FRY: variants seen among roughly 807,000 people sequenced by gnomAD.
The protein encoded by FRY is protein furry homolog.
In FRY, 128 loss-of-function variants were observed where a neutral mutation model predicts 348.4. That is an observed-to-expected ratio of 0.37 (90% CI 0.32 to 0.43). The LOEUF (loss-of-function observed/expected upper bound fraction) is 0.43, where lower values mean the gene tolerates loss of function less well. FRY is among the 20% of genes least tolerant of loss of function. The pLI, the probability that FRY is intolerant of heterozygous loss-of-function variation, is 1.00. For synonymous variants in FRY, 1,370 were observed against 1,374.7 expected, an observed-to-expected ratio of 1.00 and a Z score of 0.08; for missense variants, 2,736 against 3,695.2, an observed-to-expected ratio of 0.74 and a Z score of 6.73.
At chr13:32,148,072 A>C (rs903272948) in intron 13 of FRY, 125 bp downstream of exon 13, 2 of 706,208 alleles carry the variant, frequency 2.8e-6, no homozygotes, top group Non-Finnish European at 5.3e-6. Context: ...CTTCTGTGAA[A>C]GATTTAAAGT....
In FRY at chr13:32,247,320, C is replaced by T. The variant is rs1886862556; in HGVS notation, c.6829-3C>T. The T allele has an allele frequency of 1.9e-6, 3 of 1,609,338 alleles. No individual in the cohort carries two copies. In the African/African-American group the frequency reaches 4.0e-5, roughly 22 times the overall value. On this transcript the variant is annotated splice_polypyrimidine_tract_variant and splice_region_variant and intron_variant, in intron 47 of 60. Coordinates refer to ENST00000542859, the MANE Select transcript of FRY (RefSeq NM_023037.3). ...TAACCCTTGAATGTTTTATTTCCTG[C>T]AGAGTGTTCACTGGAGAGAAGCTCT...
chr13:32,195,605 A>G (rs1451252479), intron 29 of FRY, among the ~76,000 whole-genome samples: 1 of 152,186 alleles, frequency 6.6e-6, no homozygotes, highest in Non-Finnish European at 1.5e-5. Context: ...TGGACATCTC[A>G]CAAAACATTA....
At position 32,124,382 on chromosome 13, in the gene FRY, TG is replaced by T; in HGVS notation, c.555+7del. The T allele has an allele frequency of 7.2e-7, 1 of 1,393,694 alleles. No individual in the cohort carries two copies. Among genetic ancestry groups the T allele is most frequent in the Non-Finnish European group, 1.0e-6 (1 of 981,598 alleles). The allele number at this position is 1,393,694 out of a possible 1,614,324, so 86.3% of individuals were successfully genotyped here. On this transcript the variant is annotated splice_region_variant and intron_variant, in intron 5 of 60. Transcript: ENST00000542859. ...TAATAGAAGTTTTGAAACAGGTAGGTGATTAATTTATTGTTACTTTTAGATA... is the reference window on the plus strand; with the variant it reads ...TAATAGAAGTTTTGAAACAGGTAGGTATTAATTTATTGTTACTTTTAGATA...
intron 41 of FRY, among the ~76,000 whole-genome samples, chr13:32,232,082 T>C (rs1429739166): frequency 6.6e-6 from 1 of 152,242 alleles, no homozygotes; most frequent in East Asian, 1.9e-4. Context: ...GAGTCATTTC[T>C]AGGAATAGAC....
chr13:32,218,908 C>A, intron 36 of FRY, 77 bp downstream of exon 36: 1 of 832,108 alleles, frequency 1.2e-6, no homozygotes, highest in South Asian at 1.4e-5. Flanking sequence ...TCTGATTGTT[C>A]TTGGTCTGAT....
intron 39 of FRY, among the ~76,000 whole-genome samples, chr13:32,228,149 A>G (rs1305040521): frequency 6.6e-6 from 1 of 152,230 alleles, no homozygotes; most frequent in African/African-American, 2.4e-5. Context: ...TGCCTGGTCC[A>G]TGCATGCATA....
intron 1 of FRY, 136 bp downstream of exon 1, chr13:32,032,001 CTTTCTTTCTTTCTTTCTTTCTT>C (rs1189593398): frequency 1.7e-5 from 10 of 594,776 alleles, no homozygotes; most frequent in African/African-American, 1.2e-4. Context: ...TTTCTTTTCT[CTTTCTTTCTTTCTTTCTTTCTT>C]TTTCTTTCTT....
intron 1 of FRY, among the ~76,000 whole-genome samples, chr13:32,049,098 G>A (rs1369896882): frequency 6.6e-6 from 1 of 152,202 alleles, no homozygotes; most frequent in Non-Finnish European, 1.5e-5. Context: ...GCCAGGCATT[G>A]TGCTGGGACC....
chr13:32,237,098 C>G lies in FRY; in HGVS notation c.5811-281C>G, dbSNP rs1375896510. 6.6e-6 allele frequency among the ~76,000 whole-genome samples: 1 copy of G among 152,110 alleles called. No individual in the cohort carries two copies. The highest frequency in any genetic ancestry group is 1.9e-4 in the East Asian group (1 of 5,188). On this transcript the variant is annotated intron_variant, in intron 43 of 60. Transcript: ENST00000542859. The surrounding 1 kb of genome is among the most constrained non-coding windows in gnomAD (Gnocchi z 6.3). ...TTTCATAATTACTCCTACCCAAATT[C>G]AAGCAAAACATAAATGAAATATCAG...
At chr13:32,195,865 G>A (rs1384608185) in intron 29 of FRY, among the ~76,000 whole-genome samples, 1 of 152,174 alleles carries the variant, frequency 6.6e-6, no homozygotes, top group Non-Finnish European at 1.5e-5. Context: ...CAGAGGGCAG[G>A]AGAATACAAT....
intron 23 of FRY, among the ~76,000 whole-genome samples, chr13:32,181,575 CAAAAAAAA>C (rs35272711): frequency 1.7e-5 from 1 of 59,038 alleles, no homozygotes. Context: ...ACTCCGTCAC[CAAAAAAAA>C]AAAAAAAAAA....
intron 49 of FRY, 87 bp downstream of exon 49, chr13:32,249,774 C>A: frequency 1.6e-6 from 2 of 1,249,492 alleles, no homozygotes; most frequent in Non-Finnish European, 1.2e-6. Context: ...TTCCCTCTCA[C>A]CATCCCAAGG....
chr13:32,156,058 A>G (rs975458572), intron 15 of FRY, among the ~76,000 whole-genome samples: 2 of 152,200 alleles, frequency 1.3e-5, no homozygotes, highest in Non-Finnish European at 2.9e-5. Flanking sequence ...CATGTTTTAA[A>G]CATGCCAAAT....
intron 4 of FRY, among the ~76,000 whole-genome samples, chr13:32,122,170 G>A (rs189258500): frequency 5.9e-5 from 9 of 152,194 alleles, no homozygotes; most frequent in Non-Finnish European, 1.0e-4. Context: ...CAGGCCGGGC[G>A]CAGTGGCTCA....
At chr13:32,105,929 A>G (rs1410225493) in intron 3 of FRY, among the ~76,000 whole-genome samples, 1 of 151,874 alleles carries the variant, frequency 6.6e-6, no homozygotes, top group Non-Finnish European at 1.5e-5. Flanking sequence ...TCTTCTTGCT[A>G]GAAATAGAAG....
At chr13:32,214,389 A>C (rs1884861510) in intron 35 of FRY, among the ~76,000 whole-genome samples, 1 of 152,202 alleles carries the variant, frequency 6.6e-6, no homozygotes, top group African/African-American at 2.4e-5. Context: ...ACAGCTTTGA[A>C]TGTGGCCCAA....
At chr13:32,101,137 C>G (rs1324894801) in intron 2 of FRY, among the ~76,000 whole-genome samples, 2 of 152,136 alleles carry the variant, frequency 1.3e-5, no homozygotes, top group Non-Finnish European at 2.9e-5. Flanking sequence ...CTCGCCAGCC[C>G]CTGGTAACTA....
At chr13:32,177,614 A>AAT (rs979157595) in intron 20 of FRY, among the ~76,000 whole-genome samples, 1 of 151,952 alleles carries the variant, frequency 6.6e-6, no homozygotes, top group African/African-American at 2.4e-5. Context: ...TAAATAAATA[A>AAT]ATAAATAAGA....
intron 58 of FRY, 140 bp downstream of exon 58, chr13:32,278,688 A>C: frequency 1.3e-6 from 1 of 755,052 alleles, no homozygotes; most frequent in East Asian, 2.5e-5. Context: ...CCAACAGAGT[A>C]AGACAGAATG....
Sources: gnomAD v4.1 joint callset for allele counts (sites outside exome capture counted in the v4.1 genomes callset) on GRCh38, gnomAD v4.1.1 for gene constraint, Gnocchi (gnomAD v3.1) non-coding constraint, MANE v1.5 for transcripts, NCBI Gene and HGNC (gene_info 2026-07-23, HGNC 2026-07-21) for gene names.